The following UGGT2 variants were observed in gnomAD, a reference collection of about 807,000 sequenced individuals.
UGGT2 encodes the protein UDP-glucose:glycoprotein glucosyltransferase 2.
Under a neutral mutation model 192.1 loss-of-function variants are expected in UGGT2, and 180 were observed. The ratio of observed to expected loss-of-function variants is 0.94; its 90% CI spans 0.83 to 1.06. UGGT2 has a LOEUF of 1.06. UGGT2 is among the 50% of genes least tolerant of loss of function. UGGT2 has a pLI of 0.00. For missense variants in UGGT2, 1,849 were observed against 1,795.7 expected, an observed-to-expected ratio of 1.03 and a Z score of -0.54; for synonymous variants, 580 against 591.0, an observed-to-expected ratio of 0.98 and a Z score of 0.27.
Position 95,999,258 on chromosome 13 carries a change from G to T in UGGT2, c.710C>A (p.Ala237Glu). Reference sequence around the variant, plus strand: ...TGCTTTGTATTCTGTACTCTTAATTGCTAGCTCCACACCATACCCAGATAA... The same window carrying T: ...TGCTTTGTATTCTGTACTCTTAATTTCTAGCTCCACACCATACCCAGATAA... ...MYLSGYGVEL[A>E]IKSTEYKALD... Residue 237 changes from alanine to glutamate, a missense_variant, in exon 6 of 39, where the codon GCA becomes GAA. Coordinates refer to ENST00000376747, the MANE Select transcript of UGGT2 (RefSeq NM_020121.4). 1 of 1,613,550 alleles carries T rather than the reference G, an allele frequency of 6.2e-7. No homozygotes were observed. The highest frequency in any genetic ancestry group is 8.5e-7 in the Non-Finnish European group (1 of 1,179,718).
chr13:95,929,951 T>A (rs907258470), intron 17 of UGGT2, among the ~76,000 whole-genome samples: 2 of 152,190 alleles, frequency 1.3e-5, no homozygotes, highest in African/African-American at 4.8e-5. Context: ...GCATCTGTTG[T>A]TTGTTCACTT....
chr13:95,999,361 G>T, intron 5 of UGGT2, 54 bp from the exon 6 acceptor site: 1 of 1,523,420 alleles, frequency 6.6e-7, no homozygotes. Flanking sequence ...CAAACATTTT[G>T]TTTTAAAGTC....
At position 95,940,177 on chromosome 13, in the gene UGGT2, T is replaced by C. The variant is rs573902644; in HGVS notation, c.1678-86A>G. The C allele has an allele frequency of 9.3e-6, 10 of 1,074,846 alleles. No individual in the cohort carries two copies. In the African/African-American group the frequency reaches 1.0e-4, roughly 11 times the overall value. The allele number at this position is 1,074,846 out of a possible 1,614,324, so 66.6% of individuals were successfully genotyped here. The stretch of plus-strand genomic sequence containing the variant: ...TCCTTAGCATGCAGATAGATTTTTA[T>C]TTTGTAAGTTCAAAATATACTAACT... On this transcript the variant is annotated intron_variant, in intron 15 of 38. Transcript: ENST00000376747.
Position 95,884,769 on chromosome 13 carries a change from C to G in UGGT2, c.3039-89G>C, listed in dbSNP as rs1566635779. On this transcript the variant is annotated intron_variant, in intron 26 of 38. Transcript: ENST00000376747. ...TCAAAATTGAAAATTGCTTAATGAT[C>G]TGACCAGAAGTCTACAATCAAAAAG... The G allele has an allele frequency of 1.5e-5, 19 of 1,300,520 alleles. No homozygotes were observed. In the South Asian group the frequency reaches 2.8e-4, roughly 19 times the overall value. The allele number at this position is 1,300,520 out of a possible 1,614,324, so 80.6% of individuals were successfully genotyped here. A position where few individuals can be genotyped will look rare whatever the true frequency, so the allele number is the denominator to read the frequency against.
At chr13:95,841,811 C>T (rs1201496526) in intron 36 of UGGT2, among the ~76,000 whole-genome samples, 3 of 152,068 alleles carry the variant, frequency 2.0e-5, no homozygotes, top group Admixed American at 1.3e-4. Flanking sequence ...AAGAGTTTTA[C>T]GGTTTTAGTT....
chr13:96,003,009 T>A (rs1425883892), intron 5 of UGGT2, among the ~76,000 whole-genome samples: 1 of 152,100 alleles, frequency 6.6e-6, no homozygotes, highest in Non-Finnish European at 1.5e-5. Context: ...GCTTTCAGAG[T>A]TCCTTAGCTG....
chr13:95,816,075 A>G (rs1884856255), intron 38 of UGGT2, among the ~76,000 whole-genome samples: 1 of 152,214 alleles, frequency 6.6e-6, no homozygotes, highest in African/African-American at 2.4e-5. Context: ...GCTTCCCCAG[A>G]AGCAGATGCT....
chr13:95,846,225 C>A (rs1342546305), intron 36 of UGGT2, among the ~76,000 whole-genome samples: 1 of 152,168 alleles, frequency 6.6e-6, no homozygotes, highest in African/African-American at 2.4e-5. Context: ...GAGCTGGAGA[C>A]CAGCCTGGCC....
chr13:96,024,617 G>A (rs1361055768), intron 2 of UGGT2, among the ~76,000 whole-genome samples: 2 of 152,188 alleles, frequency 1.3e-5, no homozygotes, highest in African/African-American at 4.8e-5. Flanking sequence ...GGGCAGCTCT[G>A]GAGTCCATTT....
intron 33 of UGGT2, among the ~76,000 whole-genome samples, chr13:95,857,738 A>G (rs1889756139): frequency 6.6e-6 from 1 of 152,202 alleles, no homozygotes; most frequent in South Asian, 2.1e-4. Flanking sequence ...AAAGAAACAC[A>G]TCACAAAAAG....
chr13:96,018,225 G>A (rs2052398376), intron 4 of UGGT2, among the ~76,000 whole-genome samples: 1 of 152,150 alleles, frequency 6.6e-6, no homozygotes, highest in African/African-American at 2.4e-5. Context: ...ATACGAAAAT[G>A]TGAATGAAGA....
intron 1 of UGGT2, among the ~76,000 whole-genome samples, chr13:96,034,896 C>T (rs746546551): frequency 2.0e-5 from 3 of 152,156 alleles, no homozygotes; most frequent in Non-Finnish European, 2.9e-5. Flanking sequence ...GGATCCAGGC[C>T]AGTAACACAA....
chr13:96,031,885 C>A lies in UGGT2; in HGVS notation c.241+4G>T. On this transcript the variant is annotated splice_donor_region_variant and intron_variant, in intron 2 of 38. Transcript: ENST00000376747. ...TTACAAGTTAAAATTTACATATCAC[C>A]TACCTGTTTGCTTATAAATTGCTAA... 3 of 1,600,532 alleles carry A rather than the reference C, an allele frequency of 1.9e-6. No homozygotes were observed. Among genetic ancestry groups the A allele is most frequent in the Non-Finnish European group, 2.6e-6 (3 of 1,172,510 alleles).
At position 95,972,783 on chromosome 13, in the gene UGGT2, C is replaced by T. The variant is rs954798924; in HGVS notation, c.1093-112G>A. 1.4e-5 allele frequency: 10 copies of T among 717,402 alleles called. No individual in the cohort carries two copies. The Admixed American group carries it at 1.7e-4, about 12-fold the overall frequency. 44.4% of individuals were successfully genotyped at this position (717,402 alleles called of 1,614,324 possible). The stretch of plus-strand genomic sequence containing the variant: ...CAGAGAGTAAATATTTTAGGTTTGG[C>T]AGGCCATACAGTCTCTGTTGCAATT... On this transcript the variant is annotated intron_variant, in intron 10 of 38. Coordinates refer to ENST00000376747, the MANE Select transcript of UGGT2 (RefSeq NM_020121.4).
chr13:96,001,518 G>A (rs575073913), intron 5 of UGGT2, among the ~76,000 whole-genome samples: 1 of 152,252 alleles, frequency 6.6e-6, no homozygotes, highest in South Asian at 2.1e-4. Context: ...CACAAAGCCT[G>A]TTTGGTGGTC....
intron 38 of UGGT2, among the ~76,000 whole-genome samples, chr13:95,826,585 G>A (rs1886067646): frequency 6.6e-6 from 1 of 151,912 alleles, no homozygotes; most frequent in Non-Finnish European, 1.5e-5. Context: ...CCAGTAAGAA[G>A]ATATTCTTCA....
chr13:95,845,023 C>T lies in UGGT2; in HGVS notation c.4285-7821G>A, dbSNP rs192246838. Among the ~76,000 whole-genome samples, 302 of 152,126 alleles carry T rather than the reference C, an allele frequency of 2.0e-3. 2 individuals carry two copies. The highest frequency in any genetic ancestry group is 1.9e-3 in the Non-Finnish European group (129 of 67,982). On this transcript the variant is annotated intron_variant, in intron 36 of 38. Coordinates refer to ENST00000376747, the MANE Select transcript of UGGT2 (RefSeq NM_020121.4). ...AAAGGATACTGGAGTATATCAAATG[C>T]TCTTTTGCATATAATTAGCTGATCA...
At chr13:96,045,205 C>A (rs1169954238) in intron 1 of UGGT2, among the ~76,000 whole-genome samples, 1 of 152,052 alleles carries the variant, frequency 6.6e-6, no homozygotes, top group African/African-American at 2.4e-5. Context: ...AAATGTGATA[C>A]ACCAGATAAA....
chr13:96,015,079 C>T (rs2052286498), intron 4 of UGGT2, among the ~76,000 whole-genome samples: 1 of 151,934 alleles, frequency 6.6e-6, no homozygotes. Flanking sequence ...GATATCGAGA[C>T]CATCCTGGCT....
Sources: gnomAD v4.1 joint callset for allele counts (sites outside exome capture counted in the v4.1 genomes callset) on GRCh38, gnomAD v4.1.1 for gene constraint, MANE v1.5 for transcripts, NCBI Gene and HGNC (gene_info 2026-07-23, HGNC 2026-07-21) for gene names.